PTAR1: variants seen among roughly 807,000 people sequenced by gnomAD.
PTAR1 encodes the protein protein prenyltransferase alpha subunit repeat-containing protein 1.
Under a neutral mutation model 45.5 loss-of-function variants are expected in PTAR1, and 17 were observed. The ratio of observed to expected loss-of-function variants is 0.37; its 90% CI spans 0.26 to 0.56. PTAR1 has a LOEUF of 0.56. Ranked by LOEUF, PTAR1 falls within the 20% of genes least tolerant of loss-of-function variation. The pLI is 0.77. For synonymous variants in PTAR1, 169 were observed against 171.3 expected, an observed-to-expected ratio of 0.99 and a Z score of 0.11; for missense variants, 391 against 476.3, an observed-to-expected ratio of 0.82 and a Z score of 1.67.
chr9:69,719,377 C>T (rs1019178099), intron 6 of PTAR1, among the ~76,000 whole-genome samples: 9 of 152,134 alleles, frequency 5.9e-5, no homozygotes, highest in African/African-American at 1.4e-4. Context: ...AAGATTCCCG[C>T]GTCTAATCTC....
At chr9:69,729,889 G>A (rs1194275877) in intron 5 of PTAR1, among the ~76,000 whole-genome samples, 1 of 152,186 alleles carries the variant, frequency 6.6e-6, no homozygotes, top group Non-Finnish European at 1.5e-5. Flanking sequence ...TTGCCCTTCA[G>A]TAAGCTTATA....
intron 3 of PTAR1, among the ~76,000 whole-genome samples, chr9:69,739,020 A>G (rs1825920652): frequency 1.3e-5 from 2 of 151,942 alleles, no homozygotes; most frequent in African/African-American, 4.8e-5. Context: ...ATTGGCCAGG[A>G]TGGTCTTGAT....
rs1481725850 is a variant in PTAR1, at chr9:69,709,592, C to A, written c.*8750G>T. 3.3e-5 allele frequency: 5 copies of A among 152,134 alleles called. No individual in the cohort carries two copies. The highest frequency in any genetic ancestry group is 1.5e-5 in the Non-Finnish European group (1 of 68,008). The allele number at this position is 152,134 out of a possible 1,614,324, so 9.4% of individuals were successfully genotyped here. ...GCAAAGGTAAGACAAATACTATTTT[C>A]CATATTCTACAGAAATACAATACTT... is the stretch of plus-strand genomic sequence containing the variant. On this transcript the variant is annotated 3_prime_UTR_variant, in exon 8 of 8. Coordinates refer to ENST00000340434, the MANE Select transcript of PTAR1 (RefSeq NM_001099666.2).
chr9:69,718,697 G>A lies in PTAR1; in HGVS notation c.948-13C>T. On this transcript the variant is annotated splice_polypyrimidine_tract_variant and intron_variant, in intron 6 of 7. Transcript: ENST00000340434. ...GAAAATATGCCGCCTGCGATAGAGAGGGGAAGGAAGAGAATAAAGAAAATC... is the reference window on the plus strand; with the variant it reads ...GAAAATATGCCGCCTGCGATAGAGAAGGGAAGGAAGAGAATAAAGAAAATC... The A allele has an allele frequency of 7.9e-6, 12 of 1,522,504 alleles. No individual in the cohort carries two copies. Among genetic ancestry groups the A allele is most frequent in the Non-Finnish European group, 9.7e-6 (11 of 1,132,970 alleles). The allele number at this position is 1,522,504 out of a possible 1,614,324, so 94.3% of individuals were successfully genotyped here.
chr9:69,754,532 C>CTT lies in PTAR1; in HGVS notation c.87-3584_87-3583dup, dbSNP rs60025062. Among the ~76,000 whole-genome samples the CTT allele has an allele frequency of 3.3e-3, 249 of 76,248 alleles. 11 individuals carry two copies. Among genetic ancestry groups the CTT allele is most frequent in the African/African-American group, 9.1e-3 (159 of 17,392 alleles). The allele number at this position is 76,248 out of a possible 152,430, so 50.0% of individuals were successfully genotyped here. A position where few individuals can be genotyped will look rare whatever the true frequency, so the allele number is the denominator to read the frequency against. On this transcript the variant is annotated intron_variant, in intron 1 of 7. Coordinates refer to ENST00000340434, the MANE Select transcript of PTAR1 (RefSeq NM_001099666.2). ...GCTATTAACATGTTTGGGTATATAT[C>CTT]TTTTTTTTTTTTTTTTTTTTTTTCC...
intron 3 of PTAR1, among the ~76,000 whole-genome samples, chr9:69,736,683 A>T (rs199572184): frequency 1.3e-5 from 2 of 152,194 alleles, no homozygotes; most frequent in East Asian, 3.8e-4. Flanking sequence ...AGGGGAGATA[A>T]TCAAAATTTT....
At chr9:69,732,835 T>G (rs1825602664) in intron 4 of PTAR1, among the ~76,000 whole-genome samples, 1 of 152,238 alleles carries the variant, frequency 6.6e-6, no homozygotes, top group South Asian at 2.1e-4. Context: ...AGCAAAATTC[T>G]GTATTATAGC....
At chr9:69,724,586 T>C (rs1206622262) in intron 5 of PTAR1, among the ~76,000 whole-genome samples, 1 of 151,618 alleles carries the variant, frequency 6.6e-6, no homozygotes, top group African/African-American at 2.4e-5. Context: ...CCTTCTCCTG[T>C]ACCATGATCT....
At chr9:69,724,868 A>C in intron 5 of PTAR1, among the ~76,000 whole-genome samples, 1 of 152,236 alleles carries the variant, frequency 6.6e-6, no homozygotes, top group Non-Finnish European at 1.5e-5. Flanking sequence ...GATTACTTCC[A>C]GCCAAGATAG....
intron 2 of PTAR1, among the ~76,000 whole-genome samples, chr9:69,748,058 T>C (rs1457601279): frequency 6.6e-6 from 1 of 152,286 alleles, no homozygotes; most frequent in South Asian, 2.1e-4. Context: ...ATAATGGACA[T>C]GGGTCACAAA....
At chr9:69,732,544 G>A (rs918101989) in intron 4 of PTAR1, among the ~76,000 whole-genome samples, 192 bp from the exon 5 acceptor site, 5 of 151,842 alleles carry the variant, frequency 3.3e-5, no homozygotes, top group Admixed American at 6.6e-5. Flanking sequence ...TTAGCAGTAT[G>A]GATGAAGGGT....
At chr9:69,745,949 G>T (rs957815666) in intron 2 of PTAR1, among the ~76,000 whole-genome samples, 5 of 152,202 alleles carry the variant, frequency 3.3e-5, no homozygotes, top group Non-Finnish European at 7.3e-5. Context: ...GCTAAGCAGT[G>T]ACTGCTGAGC....
intron 5 of PTAR1, 26 bp downstream of exon 5, chr9:69,732,113 T>C (rs781699585): frequency 1.3e-6 from 2 of 1,548,824 alleles, no homozygotes; most frequent in South Asian, 1.1e-5. Flanking sequence ...ACAGGCAGTC[T>C]GCCCAGGAGA....
rs1411412423 is a variant in PTAR1 at position 69,750,840 on chromosome 9, G to A, written c.197C>T (p.Pro66Leu). 1 of 1,611,160 alleles carries A rather than the reference G, an allele frequency of 6.2e-7. No homozygotes were observed. Among genetic ancestry groups the A allele is most frequent in the Non-Finnish European group, 8.5e-7 (1 of 1,178,482 alleles). Residue 66 changes from proline (P) to leucine (L), a missense_variant, in exon 2 of 8, where the codon CCA becomes CTA. Pro to Leu is a moderately conservative substitution (Grantham distance 98). Coordinates refer to ENST00000340434, the MANE Select transcript of PTAR1 (RefSeq NM_001099666.2). Reference sequence around the variant, plus strand: ...CAAAAGGAGCTTGTTGTGGACATATGGTAAAAGGAACTTGACACACCAGCT... The same window carrying A: ...CAAAAGGAGCTTGTTGTGGACATATAGTAAAAGGAACTTGACACACCAGCT... ...VESWCVKFLL[P>L]YVHNKLLLYR...
chr9:69,727,319 C>A (rs1825334977), intron 5 of PTAR1, among the ~76,000 whole-genome samples: 2 of 152,184 alleles, frequency 1.3e-5, no homozygotes, highest in South Asian at 4.2e-4. Context: ...TCCCTGTTCC[C>A]CACCACAACC....
chr9:69,745,668 TG>T (rs1250075520), intron 2 of PTAR1, among the ~76,000 whole-genome samples: 1 of 152,216 alleles, frequency 6.6e-6, no homozygotes, highest in African/African-American at 2.4e-5. Flanking sequence ...CAGCAGCTAC[TG>T]GGTTCAGACA....
intron 2 of PTAR1, among the ~76,000 whole-genome samples, chr9:69,745,423 A>AC (rs1484954179): frequency 1.3e-5 from 2 of 152,192 alleles, no homozygotes; most frequent in Non-Finnish European, 2.9e-5. Context: ...AATGTGTCTG[A>AC]CCAATGGTAG....
intron 2 of PTAR1, among the ~76,000 whole-genome samples, chr9:69,742,917 C>T (rs1273112600): frequency 6.6e-6 from 1 of 152,066 alleles, no homozygotes; most frequent in African/African-American, 2.4e-5. Context: ...CACCATAAGC[C>T]TCTATTTGAA....
chr9:69,718,834 A>G (rs1012696891), intron 6 of PTAR1, 150 bp from the exon 7 acceptor site: 15 of 578,470 alleles, frequency 2.6e-5, no homozygotes, highest in Non-Finnish European at 6.0e-6. Flanking sequence ...GAGGAAAAAC[A>G]GTAGAGATGA....
Sources: allele counts gnomAD v4.1 joint callset (sites outside exome capture counted in the v4.1 genomes callset), GRCh38; gene constraint gnomAD v4.1.1; transcripts MANE v1.5; gene names NCBI Gene and HGNC (gene_info 2026-07-23, HGNC 2026-07-21).